TAOK1: variants seen among roughly 807,000 people sequenced by gnomAD.
TAOK1 encodes TAO kinase 1.
TAOK1 carries 21 observed loss-of-function variants against 138.3 expected under a neutral mutation model. The observed-to-expected ratio is 0.15, with a 90% CI of 0.11 to 0.22. TAOK1 has a LOEUF of 0.22. TAOK1 is among the 10% of genes least tolerant of loss of function. The pLI, the probability that TAOK1 is intolerant of heterozygous loss-of-function variation, is 1.00. For missense variants in TAOK1, 651 were observed against 1,227.7 expected (o/e 0.53, Z 7.02); for synonymous variants, 361 against 398.4 (o/e 0.91, Z 1.12).
chr17:29,508,389 A>G (rs897376239), intron 14 of TAOK1, among the ~76,000 whole-genome samples: 9 of 152,316 alleles, frequency 5.9e-5, no homozygotes, highest in African/African-American at 2.2e-4. Flanking sequence ...TGTTCATTGG[A>G]GTAGTCCACT....
chr17:29,537,148 G>A (rs1418324223), intron 19 of TAOK1, among the ~76,000 whole-genome samples: 3 of 152,120 alleles, frequency 2.0e-5, no homozygotes, highest in Non-Finnish European at 4.4e-5. Flanking sequence ...TATAATTTTA[G>A]CTCCACCTAG....
At chr17:29,496,006 T>C (rs2031405602) in intron 11 of TAOK1, among the ~76,000 whole-genome samples, 1 of 152,200 alleles carries the variant, frequency 6.6e-6, no homozygotes, top group Non-Finnish European at 1.5e-5. Context: ...TAATGAAGGT[T>C]CTGAGAAGTC....
chr17:29,403,233 G>T (rs1904901866), intron 1 of TAOK1, among the ~76,000 whole-genome samples: 1 of 149,314 alleles, frequency 6.7e-6, no homozygotes, highest in African/African-American at 2.5e-5. Context: ...TTATGTTTTA[G>T]TTGATGTTTT....
At chr17:29,441,727 C>T (rs1490598101) in intron 1 of TAOK1, among the ~76,000 whole-genome samples, 2 of 151,934 alleles carry the variant, frequency 1.3e-5, no homozygotes, top group African/African-American at 4.8e-5. Context: ...GGTGAAACGC[C>T]GTCTCTACTA....
intron 17 of TAOK1, among the ~76,000 whole-genome samples, chr17:29,524,703 A>G (rs1000433531): frequency 6.6e-6 from 1 of 152,150 alleles, no homozygotes; most frequent in African/African-American, 2.4e-5. Flanking sequence ...GCCTCTTTCA[A>G]TTTTCTCCTT....
At chr17:29,497,173 A>G (rs1477318242) in intron 11 of TAOK1, among the ~76,000 whole-genome samples, 1 of 152,002 alleles carries the variant, frequency 6.6e-6, no homozygotes, top group Non-Finnish European at 1.5e-5. Context: ...ATAAAATTTT[A>G]TTCTTTTCTA....
chr17:29,517,691 A>T (rs1242922134), intron 16 of TAOK1, 35 bp downstream of exon 16: 2 of 1,556,810 alleles, frequency 1.3e-6, no homozygotes, highest in East Asian at 2.3e-5. Context: ...TAAATCCTTT[A>T]TCAAAAGAAT....
intron 7 of TAOK1, 53 bp from the exon 8 acceptor site, chr17:29,482,144 G>C: frequency 1.5e-6 from 2 of 1,329,116 alleles, no homozygotes; most frequent in Non-Finnish European, 2.1e-6. Flanking sequence ...ATTCTCAAAG[G>C]ATAGAATACT....
chr17:29,533,196 C>T (rs1297973253), intron 18 of TAOK1, among the ~76,000 whole-genome samples: 1 of 147,824 alleles, frequency 6.8e-6, no homozygotes, highest in African/African-American at 2.5e-5. Flanking sequence ...TCCTCACATC[C>T]CAGATGGGGT....
intron 1 of TAOK1, among the ~76,000 whole-genome samples, chr17:29,441,295 G>A (rs1322099663): frequency 2.0e-5 from 3 of 152,126 alleles, no homozygotes; most frequent in Non-Finnish European, 4.4e-5. Context: ...GATCACTTGA[G>A]CCCATGAGTT....
intron 7 of TAOK1, 105 bp from the exon 8 acceptor site, chr17:29,482,092 G>T: frequency 1.3e-6 from 1 of 762,604 alleles, no homozygotes; most frequent in Non-Finnish European, 2.1e-6. Context: ...AGATATATTG[G>T]CTAGAATTCA....
In TAOK1 at chr17:29,543,131, G is replaced by A. The variant is rs1445491406; in HGVS notation, c.*109G>A. The A allele has an allele frequency of 1.5e-5, 13 of 859,470 alleles. No individual in the cohort carries two copies. The East Asian group carries it at 3.0e-4, about 20-fold the overall frequency. The allele number at this position is 859,470 out of a possible 1,614,324, so 53.2% of individuals were successfully genotyped here. ...TTGGGTACTACAGTGTGGAAGCTGA[G>A]TGCATATGGTATATTTTATTCATTT... On this transcript the variant is annotated 3_prime_UTR_variant, in exon 20 of 20. Transcript: ENST00000261716.
rs1352790608 is a variant in TAOK1 at position 29,549,827 on chromosome 17, T to C, written c.*6805T>C. 1 of 152,226 alleles carries C rather than the reference T, an allele frequency of 6.6e-6. No homozygotes were observed. Among genetic ancestry groups the C allele is most frequent in the Non-Finnish European group, 1.5e-5 (1 of 68,030 alleles). 9.4% of individuals were successfully genotyped at this position (152,226 alleles called of 1,614,324 possible). On this transcript the variant is annotated 3_prime_UTR_variant, in exon 20 of 20. Coordinates refer to ENST00000261716, the MANE Select transcript of TAOK1 (RefSeq NM_020791.4). ...TTCCAAATGTGCTGCTGTCCTTCTT[T>C]GCATTTCACAATATCAAAGAAACCA...
At chr17:29,494,012 G>A (rs1215371555) in intron 10 of TAOK1, among the ~76,000 whole-genome samples, 2 of 151,998 alleles carry the variant, frequency 1.3e-5, no homozygotes, top group African/African-American at 4.8e-5. Context: ...TGCCTCTGAG[G>A]TTCAAGTGAT....
rs1194121632 is a variant in TAOK1, at chr17:29,549,785, C to G, written c.*6763C>G. ...GCTGTCCTGGTGTATTGCCAGACAG[C>G]TCTCTTTTGGTTCCCATTCCAAATG... On this transcript the variant is annotated 3_prime_UTR_variant, in exon 20 of 20. Coordinates refer to ENST00000261716, the MANE Select transcript of TAOK1 (RefSeq NM_020791.4). 1 of 152,118 alleles carries G rather than the reference C, an allele frequency of 6.6e-6. No individual in the cohort carries two copies. The highest frequency in any genetic ancestry group is 2.4e-5 in the African/African-American group (1 of 41,404). The allele number at this position is 152,118 out of a possible 1,614,324, so 9.4% of individuals were successfully genotyped here.
At chr17:29,536,807 C>A (rs1294387380) in intron 19 of TAOK1, among the ~76,000 whole-genome samples, 1 of 149,650 alleles carries the variant, frequency 6.7e-6, no homozygotes, top group Non-Finnish European at 1.5e-5. Context: ...TTACGCCATT[C>A]TCCTGCCTCA....
chr17:29,419,320 C>T (rs1382617703), intron 1 of TAOK1, among the ~76,000 whole-genome samples: 1 of 151,960 alleles, frequency 6.6e-6, no homozygotes, highest in East Asian at 1.9e-4. Context: ...CCTCAGCCTC[C>T]CCAGTAGCTG....
chr17:29,534,030 T>C, intron 18 of TAOK1, 88 bp from the exon 19 acceptor site: 1 of 1,372,926 alleles, frequency 7.3e-7, no homozygotes, highest in Non-Finnish European at 9.6e-7. Flanking sequence ...GTCTGTCTTC[T>C]AACACTCCTC....
At chr17:29,466,215 C>T (rs1238227924) in intron 2 of TAOK1, among the ~76,000 whole-genome samples, 3 of 152,192 alleles carry the variant, frequency 2.0e-5, no homozygotes, top group Non-Finnish European at 2.9e-5. Context: ...ACGGTCATGG[C>T]TCACTGCAGT....
Sources: gnomAD v4.1 joint callset for allele counts (sites outside exome capture counted in the v4.1 genomes callset) on GRCh38, gnomAD v4.1.1 for gene constraint, MANE v1.5 for transcripts, NCBI Gene and HGNC (gene_info 2026-07-23, HGNC 2026-07-21) for gene names.